The following KCNMA1 variants were observed in gnomAD, a reference collection of about 807,000 sequenced individuals.
KCNMA1 encodes the protein potassium calcium-activated channel subfamily M alpha 1.
A neutral mutation model predicts 140.0 loss-of-function variants in KCNMA1; 29 were observed. That is an observed-to-expected ratio of 0.21 (90% CI 0.15 to 0.28). The LOEUF is 0.28. Among genes scored for constraint, KCNMA1 ranks in the 10% least tolerant of loss-of-function variants. The pLI, the probability that KCNMA1 is intolerant of heterozygous loss-of-function variation, is 1.00. For missense variants in KCNMA1, 880 were observed against 1,602.2 expected, an observed-to-expected ratio of 0.55 and a Z score of 7.70; for synonymous variants, 612 against 611.9, an observed-to-expected ratio of 1.00 and a Z score of 0.00.
intron 2 of KCNMA1, among the ~76,000 whole-genome samples, chr10:77,290,975 G>C (rs978163710): frequency 6.6e-6 from 1 of 152,198 alleles, no homozygotes; most frequent in Admixed American, 6.5e-5. Flanking sequence ...AAGTCCACCA[G>C]ACATGCAGCA....
intron 2 of KCNMA1, among the ~76,000 whole-genome samples, chr10:77,333,701 G>C (rs1168802094): frequency 6.6e-6 from 1 of 152,196 alleles, no homozygotes; most frequent in East Asian, 1.9e-4. Flanking sequence ...AACAGCTCCA[G>C]TATATCCTGC....
intron 2 of KCNMA1, among the ~76,000 whole-genome samples, chr10:77,318,819 T>A (rs889951964): frequency 6.6e-6 from 1 of 152,162 alleles, no homozygotes; most frequent in Admixed American, 6.5e-5. Context: ...CTGAGAGCAG[T>A]TGGAGACTTC....
intron 1 of KCNMA1, among the ~76,000 whole-genome samples, chr10:77,545,621 C>A (rs1411668777): frequency 6.6e-6 from 1 of 152,206 alleles, no homozygotes; most frequent in Admixed American, 6.5e-5. Flanking sequence ...GCCCCCCGGG[C>A]CCTGCCTGGA....
In KCNMA1 at chr10:76,884,972, A is replaced by G. The variant is rs2036211769; in HGVS notation, c.*2294T>C. On this transcript the variant is annotated 3_prime_UTR_variant, in exon 28 of 28. Coordinates refer to ENST00000286628, the MANE Select transcript of KCNMA1 (RefSeq NM_001161352.2). ...CCCAGCAGTGGCTAGGTCATGCAGAACCATTAATTGTCATACCTTGGCCCA... is the reference window on the plus strand; with the variant it reads ...CCCAGCAGTGGCTAGGTCATGCAGAGCCATTAATTGTCATACCTTGGCCCA... 1.3e-6 allele frequency: 2 copies of G among 1,547,912 alleles called. No individual in the cohort carries two copies. The highest frequency in any genetic ancestry group is 1.7e-6 in the Non-Finnish European group (2 of 1,145,666).
chr10:76,898,819 TATA>T (rs1264586052), intron 25 of KCNMA1, among the ~76,000 whole-genome samples: 2 of 151,792 alleles, frequency 1.3e-5, no homozygotes, highest in South Asian at 2.1e-4. Context: ...ACAACAGAAT[TATA>T]ATAAGTAAAA....
downstream of KCNMA1, chr10:76,875,813 A>G (rs1450994829): frequency 6.6e-6 from 1 of 152,628 alleles, no homozygotes; most frequent in Non-Finnish European, 1.5e-5. Flanking sequence ...CCACAAACAC[A>G]TTTGACTTCT....
At chr10:77,428,788 G>A (rs2097083579) in intron 1 of KCNMA1, among the ~76,000 whole-genome samples, 1 of 152,158 alleles carries the variant, frequency 6.6e-6, no homozygotes, top group Non-Finnish European at 1.5e-5. Flanking sequence ...AAAACCATCT[G>A]TGATTTTAAA....
intron 14 of KCNMA1, among the ~76,000 whole-genome samples, chr10:77,072,138 T>C (rs1595310430): frequency 1.3e-5 from 2 of 152,312 alleles, no homozygotes; most frequent in South Asian, 4.1e-4. Flanking sequence ...GGATGTAATT[T>C]CCCACCTTGC....
intron 1 of KCNMA1, among the ~76,000 whole-genome samples, chr10:77,428,446 C>A (rs2097074999): frequency 1.3e-5 from 2 of 152,182 alleles, no homozygotes; most frequent in Admixed American, 1.3e-4. Context: ...ATGGGCTAGA[C>A]TGTTCACGTG....
intron 5 of KCNMA1, among the ~76,000 whole-genome samples, chr10:77,123,414 A>G (rs1410031426): frequency 6.6e-6 from 1 of 152,088 alleles, no homozygotes; most frequent in Non-Finnish European, 1.5e-5. Flanking sequence ...GCTAAATCAG[A>G]ATGGGAGGGG....
intron 1 of KCNMA1, among the ~76,000 whole-genome samples, chr10:77,606,149 C>T (rs1328456420): frequency 6.6e-6 from 1 of 152,222 alleles, no homozygotes; most frequent in African/African-American, 2.4e-5. Flanking sequence ...GCATCAGCCT[C>T]TCTCTAGGTA....
intron 3 of KCNMA1, among the ~76,000 whole-genome samples, chr10:77,227,162 G>C (rs2051756334): frequency 6.6e-6 from 1 of 152,126 alleles, no homozygotes; most frequent in African/African-American, 2.4e-5. Flanking sequence ...AGCAATTTGA[G>C]GCTCATGGAG....
intron 2 of KCNMA1, among the ~76,000 whole-genome samples, chr10:77,329,762 A>G (rs1285174948): frequency 6.6e-6 from 1 of 152,244 alleles, no homozygotes; most frequent in Non-Finnish European, 1.5e-5. Flanking sequence ...TGAGATTTCA[A>G]TCCTAACCTC....
intron 19 of KCNMA1, chr10:76,980,125 G>A (rs2078986124): frequency 6.6e-6 from 1 of 152,256 alleles, no homozygotes; most frequent in African/African-American, 2.4e-5. Context: ...AACAAGGTGT[G>A]GAGTGCAACA....
chr10:76,954,929 T>A (rs538259474), intron 20 of KCNMA1, among the ~76,000 whole-genome samples: 3 of 152,300 alleles, frequency 2.0e-5, no homozygotes, highest in Admixed American at 2.0e-4. Flanking sequence ...GCACCTTGAA[T>A]CATAGTCAAT....
At chr10:76,940,995 A>AAGAG (rs2061819691) in intron 23 of KCNMA1, among the ~76,000 whole-genome samples, 1 of 72,818 alleles carries the variant, frequency 1.4e-5, no homozygotes, top group African/African-American at 6.1e-5. Context: ...GAAAGAGAGA[A>AAGAG]AGAAAGGAAG....
intron 1 of KCNMA1, among the ~76,000 whole-genome samples, chr10:77,459,760 C>T (rs925893711): frequency 6.6e-6 from 1 of 152,352 alleles, no homozygotes; most frequent in South Asian, 2.1e-4. Flanking sequence ...GTGGCCAGAA[C>T]ACAGACTCTC....
intron 5 of KCNMA1, among the ~76,000 whole-genome samples, chr10:77,139,409 A>T (rs1305975225): frequency 3.9e-5 from 6 of 152,238 alleles, no homozygotes; most frequent in African/African-American, 1.4e-4. Context: ...ATGAATATTT[A>T]GATTCCAGGC....
chr10:77,567,561 G>T (rs1197400112), intron 1 of KCNMA1, among the ~76,000 whole-genome samples: 1 of 152,206 alleles, frequency 6.6e-6, no homozygotes, highest in Non-Finnish European at 1.5e-5. Flanking sequence ...AAACTATTTA[G>T]TATCCAGAAC....
Sources: allele counts gnomAD v4.1 joint callset (sites outside exome capture counted in the v4.1 genomes callset), GRCh38; gene constraint gnomAD v4.1.1; transcripts MANE v1.5; gene names NCBI Gene and HGNC (gene_info 2026-07-23, HGNC 2026-07-21).